The following RPS6KA2 variants were observed in gnomAD, a reference collection of about 807,000 sequenced individuals.
RPS6KA2 encodes the protein ribosomal protein S6 kinase alpha-2.
RPS6KA2 carries 42 observed loss-of-function variants against 91.8 expected under a neutral mutation model. The observed-to-expected ratio is 0.46, with a 90% CI of 0.36 to 0.59. The LOEUF (loss-of-function observed/expected upper bound fraction) is 0.59, where lower values mean the gene tolerates loss of function less well. Among genes scored for constraint, RPS6KA2 ranks in the 20% least tolerant of loss-of-function variants. The pLI, the probability that RPS6KA2 is intolerant of heterozygous loss-of-function variation, is 0.00. For missense variants in RPS6KA2, 798 were observed against 978.5 expected, an observed-to-expected ratio of 0.82 and a Z score of 2.46; for synonymous variants, 414 against 393.6, an observed-to-expected ratio of 1.05 and a Z score of -0.61.
intron 16 of RPS6KA2, among the ~76,000 whole-genome samples, chr6:166,428,732 A>T (rs1458317584): frequency 1.3e-5 from 2 of 152,250 alleles, no homozygotes; most frequent in Non-Finnish European, 2.9e-5. Flanking sequence ...CATCAGAGAA[A>T]TGCAAATCAA....
chr6:166,413,771 TC>T lies in RPS6KA2; in HGVS notation c.2076+22del, dbSNP rs113470041. The T allele has an allele frequency of 1.7e-3, 2,735 of 1,613,286 alleles. 37 individuals are homozygous for T. The African/African-American group carries it at 0.029, about 17-fold the overall frequency. On this transcript the variant is annotated intron_variant, in intron 20 of 20. Transcript: ENST00000265678. ...TGGGTTTCCCATTCCCACCACTCTG[TC>T]CTCACTGTCGCCTGCCGGTACCTTC...
intron 11 of RPS6KA2, among the ~76,000 whole-genome samples, chr6:166,461,724 A>C (rs1044482931): frequency 6.6e-6 from 1 of 152,196 alleles, no homozygotes; most frequent in African/African-American, 2.4e-5. Flanking sequence ...ATAAAATACA[A>C]AACTGGTTGT....
chr6:166,443,993 C>T (rs1779599872), intron 14 of RPS6KA2, among the ~76,000 whole-genome samples: 1 of 152,134 alleles, frequency 6.6e-6, no homozygotes, highest in South Asian at 2.1e-4. Flanking sequence ...CCGTGTTGTT[C>T]AAGGGCCAAC....
At chr6:166,689,948 T>C (rs1292592402) in intron 2 of RPS6KA2, among the ~76,000 whole-genome samples, 1 of 152,246 alleles carries the variant, frequency 6.6e-6, no homozygotes, top group African/African-American at 2.4e-5. Context: ...CCAGGAGGCC[T>C]CTGGTCCTGC....
At chr6:166,652,999 G>A (rs75499996) in intron 2 of RPS6KA2, among the ~76,000 whole-genome samples, 1 of 152,316 alleles carries the variant, frequency 6.6e-6, no homozygotes, top group African/African-American at 2.4e-5. Context: ...CCTTCCCAGG[G>A]TAGCCCCGGG....
chr6:166,623,706 T>C (rs1786729786), intron 1 of RPS6KA2, among the ~76,000 whole-genome samples: 1 of 152,208 alleles, frequency 6.6e-6, no homozygotes, highest in South Asian at 2.1e-4. Context: ...CAGAGCTCTC[T>C]TGGGGATGAG....
At chr6:166,436,822 A>G (rs967295156) in intron 14 of RPS6KA2, among the ~76,000 whole-genome samples, 1 of 152,154 alleles carries the variant, frequency 6.6e-6, no homozygotes, top group Non-Finnish European at 1.5e-5. Context: ...CTGGGATTAT[A>G]GGGCACATCC....
chr6:166,759,377 T>C (rs1433895466), intron 2 of RPS6KA2, among the ~76,000 whole-genome samples: 1 of 152,244 alleles, frequency 6.6e-6, no homozygotes, highest in Non-Finnish European at 1.5e-5. Flanking sequence ...ACTTTGAGAA[T>C]AGAGCACGGT....
In RPS6KA2 at chr6:166,612,611, G is replaced by A. The variant is rs1193674085; in HGVS notation, c.99+14310C>T. 6.6e-6 allele frequency among the ~76,000 whole-genome samples: 1 copy of A among 152,174 alleles called. No individual in the cohort carries two copies. The highest frequency in any genetic ancestry group is 1.9e-4 in the East Asian group (1 of 5,184). ...CACTAATCCTGCTCATCTGACCGAG[G>A]TCAGACACTGCTTTGCAGAGCCCGT... On this transcript the variant is annotated intron_variant, in intron 1 of 20. Coordinates refer to ENST00000265678, the MANE Select transcript of RPS6KA2 (RefSeq NM_021135.6). This position sits in a 1 kb window ranked among gnomAD's most constrained non-coding sequence, Gnocchi z 4.3.
intron 2 of RPS6KA2, among the ~76,000 whole-genome samples, chr6:166,660,406 G>A (rs969177840): frequency 1.3e-4 from 19 of 151,682 alleles, no homozygotes; most frequent in African/African-American, 4.4e-4. Context: ...GCGTGTGTGT[G>A]TGTGTGTGTG....
chr6:166,840,799 T>A (rs1441280612), intron 2 of RPS6KA2, among the ~76,000 whole-genome samples: 3 of 151,846 alleles, frequency 2.0e-5, no homozygotes, highest in African/African-American at 7.3e-5. Context: ...CTGTCACTAC[T>A]AAAAATACAA....
rs75286962 is a variant in RPS6KA2, at chr6:166,510,970, G to A, written c.299-613C>T. On this transcript the variant is annotated intron_variant, in intron 3 of 20. Coordinates refer to ENST00000265678, the MANE Select transcript of RPS6KA2 (RefSeq NM_021135.6). ...GTAGAATGTTCCACATTCTGGGTTCGTCTGATGGTTGCTCATTTGCTTTCT... is the reference window on the plus strand; with the variant it reads ...GTAGAATGTTCCACATTCTGGGTTCATCTGATGGTTGCTCATTTGCTTTCT... Among the ~76,000 whole-genome samples the A allele has an allele frequency of 5.3e-5, 8 of 152,128 alleles. No homozygotes were observed. In the East Asian group the frequency reaches 5.8e-4, roughly 11 times the overall value.
At chr6:166,672,218 G>A (rs566593647) in intron 2 of RPS6KA2, among the ~76,000 whole-genome samples, 1 of 152,268 alleles carries the variant, frequency 6.6e-6, no homozygotes, top group African/African-American at 2.4e-5. Context: ...AGGTATGTGG[G>A]GACGGAGAAC....
chr6:166,510,660 A>G (rs1782449319), intron 3 of RPS6KA2, among the ~76,000 whole-genome samples: 1 of 132,334 alleles, frequency 7.6e-6, no homozygotes, highest in Non-Finnish European at 1.6e-5. Flanking sequence ...TGTTACTCTG[A>G]GGTGCATGTG....
chr6:166,465,587 C>T (rs1780487932), intron 11 of RPS6KA2, among the ~76,000 whole-genome samples: 1 of 152,224 alleles, frequency 6.6e-6, no homozygotes, highest in African/African-American at 2.4e-5. Flanking sequence ...ACGCGGTGTC[C>T]TGAACACGGT....
intron 2 of RPS6KA2, among the ~76,000 whole-genome samples, chr6:166,636,946 A>G (rs1045757443): frequency 2.0e-5 from 3 of 152,210 alleles, no homozygotes; most frequent in Admixed American, 1.3e-4. Context: ...AAACCCTGAC[A>G]CTGCTCCGGT....
At chr6:166,702,347 TG>T in intron 2 of RPS6KA2, 1 of 1,612,156 alleles carries the variant, frequency 6.2e-7, no homozygotes. Flanking sequence ...GGGGTTTTGC[TG>T]GGTGGCCATT....
At chr6:166,751,783 G>T (rs562660692) in intron 2 of RPS6KA2, among the ~76,000 whole-genome samples, 8 of 152,352 alleles carry the variant, frequency 5.3e-5, no homozygotes, top group African/African-American at 1.7e-4. Flanking sequence ...CCAAACAGTG[G>T]CACAGACTCT....
intron 6 of RPS6KA2, among the ~76,000 whole-genome samples, 196 bp downstream of exon 6, chr6:166,504,310 A>C (rs978003601): frequency 1.3e-5 from 2 of 152,264 alleles, no homozygotes; most frequent in African/African-American, 4.8e-5. Context: ...TTTCCTATGC[A>C]AATCAGCAAG....
Sources: allele counts gnomAD v4.1 joint callset (sites outside exome capture counted in the v4.1 genomes callset), GRCh38; gene constraint gnomAD v4.1.1; non-coding constraint Gnocchi (gnomAD v3.1); transcripts MANE v1.5; gene names NCBI Gene and HGNC (gene_info 2026-07-23, HGNC 2026-07-21).